The following LNPK variants were observed in gnomAD, a reference collection of about 807,000 sequenced individuals.
LNPK encodes the protein endoplasmic reticulum junction formation protein lunapark.
In LNPK, 29 loss-of-function variants were observed where a neutral mutation model predicts 55.2. The observed-to-expected ratio is 0.53, with a 90% CI of 0.39 to 0.72. The LOEUF (loss-of-function observed/expected upper bound fraction) is 0.72. Ranked by LOEUF, LNPK falls within the 30% of genes least tolerant of loss-of-function variation. LNPK has a pLI of 0.00. For missense variants in LNPK, 467 were observed against 494.8 expected (o/e 0.94, Z 0.53); for synonymous variants, 162 against 168.2 (o/e 0.96, Z 0.29).
intron 8 of LNPK, among the ~76,000 whole-genome samples, chr2:175,959,435 C>T (rs886245707): frequency 2.2e-4 from 33 of 151,916 alleles, no homozygotes; most frequent in Admixed American, 1.2e-3. Context: ...GAATTTTCAA[C>T]CCAGAATTTC....
chr2:175,985,148 A>G (rs558275060), intron 4 of LNPK, among the ~76,000 whole-genome samples: 1 of 152,346 alleles, frequency 6.6e-6, no homozygotes, highest in Admixed American at 6.5e-5. Context: ...GAAATAACAA[A>G]TTTGTGGAGA....
chr2:175,963,566 C>T (rs868396128), intron 8 of LNPK, among the ~76,000 whole-genome samples: 4 of 151,306 alleles, frequency 2.6e-5, no homozygotes, highest in Non-Finnish European at 5.9e-5. Flanking sequence ...GGGGTGGTGG[C>T]GGGGGAGGGA....
intron 5 of LNPK, among the ~76,000 whole-genome samples, chr2:175,972,174 CCA>C: frequency 6.6e-6 from 1 of 152,170 alleles, no homozygotes; most frequent in South Asian, 2.1e-4. Flanking sequence ...CCTTGGCCTC[CCA>C]AAGTGCTAGA....
At chr2:175,959,598 T>C (rs1685899457) in intron 8 of LNPK, among the ~76,000 whole-genome samples, 1 of 152,152 alleles carries the variant, frequency 6.6e-6, no homozygotes, top group Admixed American at 6.6e-5. Flanking sequence ...TACCAGCCAC[T>C]GCAAAAACAT....
intron 5 of LNPK, among the ~76,000 whole-genome samples, chr2:175,972,749 T>C (rs567137214): frequency 2.0e-5 from 3 of 152,234 alleles, no homozygotes; most frequent in Non-Finnish European, 2.9e-5. Flanking sequence ...TCCACAGGCA[T>C]AGGATTTTAA....
rs1684086717 is a variant in LNPK at position 175,928,054 on chromosome 2, C to G, written c.*1913G>C. On this transcript the variant is annotated 3_prime_UTR_variant, in exon 13 of 13. Transcript: ENST00000272748. ...TATGGGTCAGTAACATACAAAAAAC[C>G]TGATGAAATTATTTTTAAAAAGTTT... 6.6e-6 allele frequency: 1 copy of G among 152,030 alleles called. No individual in the cohort carries two copies. The highest frequency in any genetic ancestry group is 2.1e-4 in the South Asian group (1 of 4,822). The allele number at this position is 152,030 out of a possible 1,614,324, so 9.4% of individuals were successfully genotyped here.
chr2:175,983,422 A>C (rs1427730429), intron 4 of LNPK, among the ~76,000 whole-genome samples: 2 of 152,226 alleles, frequency 1.3e-5, no homozygotes, highest in Non-Finnish European at 1.5e-5. Flanking sequence ...ACACAGGAAG[A>C]TATGCCTTTA....
At chr2:175,935,755 C>A in intron 12 of LNPK, 1 of 976,836 alleles carries the variant, frequency 1.0e-6, no homozygotes, top group South Asian at 4.7e-5. Flanking sequence ...CCAGGAATTT[C>A]AGACAGAAAA....
intron 8 of LNPK, among the ~76,000 whole-genome samples, chr2:175,955,278 G>T (rs1301113468): frequency 1.3e-5 from 2 of 152,142 alleles, no homozygotes; most frequent in African/African-American, 4.8e-5. Context: ...ATGCTCCCTG[G>T]TCTTGGAACC....
At chr2:175,958,046 A>G (rs1274422403) in intron 8 of LNPK, among the ~76,000 whole-genome samples, 1 of 152,204 alleles carries the variant, frequency 6.6e-6, no homozygotes, top group African/African-American at 2.4e-5. Flanking sequence ...TAGGTAAGCA[A>G]AGGGGCCAGG....
chr2:175,963,976 GAA>G (rs1358368950), intron 8 of LNPK, among the ~76,000 whole-genome samples: 1 of 150,752 alleles, frequency 6.6e-6, no homozygotes, highest in Non-Finnish European at 1.5e-5. Flanking sequence ...TGTTATTTTA[GAA>G]AAAACAAAAT....
intron 4 of LNPK, among the ~76,000 whole-genome samples, chr2:175,985,452 A>G (rs2105699890): frequency 6.6e-6 from 1 of 152,304 alleles, no homozygotes; most frequent in Non-Finnish European, 1.5e-5. Flanking sequence ...TTTTGAAACA[A>G]CTTTTTTTGC....
intron 9 of LNPK, among the ~76,000 whole-genome samples, chr2:175,944,780 T>G (rs1484999416): frequency 6.6e-6 from 1 of 152,094 alleles, no homozygotes; most frequent in Non-Finnish European, 1.5e-5. Context: ...TTCTTATAAT[T>G]TAAAGGAATA....
intron 5 of LNPK, among the ~76,000 whole-genome samples, chr2:175,979,496 T>G (rs1687069571): frequency 6.6e-6 from 1 of 151,842 alleles, no homozygotes; most frequent in Non-Finnish European, 1.5e-5. Flanking sequence ...AGGCGGAGGT[T>G]GCAGTGAGCC....
chr2:175,946,058 C>T (rs1385444757), intron 9 of LNPK, among the ~76,000 whole-genome samples: 1 of 152,098 alleles, frequency 6.6e-6, no homozygotes, highest in Non-Finnish European at 1.5e-5. Context: ...TGACAATGTA[C>T]AATTTAAACA....
intron 9 of LNPK, among the ~76,000 whole-genome samples, chr2:175,944,494 T>C (rs1476279213): frequency 6.6e-6 from 1 of 152,122 alleles, no homozygotes; most frequent in Non-Finnish European, 1.5e-5. Flanking sequence ...TTGCAGGAGA[T>C]ACTCTGAATT....
chr2:175,975,659 G>A (rs1363054220), intron 5 of LNPK, among the ~76,000 whole-genome samples: 1 of 152,102 alleles, frequency 6.6e-6, no homozygotes, highest in East Asian at 1.9e-4. Flanking sequence ...TCACCCTATT[G>A]TGCTATCAAA....
At chr2:175,955,556 A>C (rs963508519) in intron 8 of LNPK, among the ~76,000 whole-genome samples, 1 of 152,238 alleles carries the variant, frequency 6.6e-6, no homozygotes, top group Non-Finnish European at 1.5e-5. Context: ...AACAGTATGA[A>C]TTTGATACTT....
At chr2:175,965,812 AC>A (rs951666667) in intron 6 of LNPK, among the ~76,000 whole-genome samples, 15 of 148,946 alleles carry the variant, frequency 1.0e-4, no homozygotes, top group African/African-American at 3.7e-4. Flanking sequence ...AAAAAAAAAA[AC>A]TAGGAACAGA....
Sources: allele counts gnomAD v4.1 joint callset (sites outside exome capture counted in the v4.1 genomes callset), GRCh38; gene constraint gnomAD v4.1.1; transcripts MANE v1.5; gene names NCBI Gene and HGNC (gene_info 2026-07-23, HGNC 2026-07-21).